C14orf132: variants seen among roughly 807,000 people sequenced by gnomAD.
C14orf132 encodes the protein uncharacterized protein C14orf132.
C14orf132 carries 6 observed loss-of-function variants against 5.8 expected under a neutral mutation model. The observed-to-expected ratio is 1.03, with a 90% CI of 0.57 to 2.04. The LOEUF (loss-of-function observed/expected upper bound fraction) is 2.04. C14orf132 is among the 30% of genes most tolerant of loss of function. The pLI is 0.00. For missense variants in C14orf132, 125 were observed against 115.8 expected, an observed-to-expected ratio of 1.08 and a Z score of -0.37; for synonymous variants, 51 against 49.8, an observed-to-expected ratio of 1.02 and a Z score of -0.10.
intron 1 of C14orf132, among the ~76,000 whole-genome samples, chr14:96,069,385 A>G (rs1038693031): frequency 1.3e-5 from 2 of 150,768 alleles, no homozygotes; most frequent in Non-Finnish European, 3.0e-5. Context: ...ATCCTGGAAT[A>G]TTGCAAAGTA....
chr14:96,084,670 C>T (rs918748167), intron 1 of C14orf132, among the ~76,000 whole-genome samples: 9 of 152,106 alleles, frequency 5.9e-5, no homozygotes, highest in Admixed American at 4.6e-4. Context: ...TAAAAATGTA[C>T]CCCACGAGGG....
At chr14:96,085,138 G>A (rs1038063672) in intron 1 of C14orf132, among the ~76,000 whole-genome samples, 1 of 152,176 alleles carries the variant, frequency 6.6e-6, no homozygotes, top group Non-Finnish European at 1.5e-5. Context: ...CCTGTAAAAT[G>A]GGGTTGCAGT....
intron 1 of C14orf132, among the ~76,000 whole-genome samples, chr14:96,074,819 G>C (rs185530788): frequency 6.9e-4 from 104 of 150,998 alleles, no homozygotes; most frequent in African/African-American, 2.4e-3. Flanking sequence ...GATAACTGTA[G>C]CTTTATCGTA....
Position 96,039,657 on chromosome 14 carries a change from G to A in C14orf132, c.27+130G>A. 1.0e-6 allele frequency: 1 copy of A among 987,746 alleles called. No homozygotes were observed. Among genetic ancestry groups the A allele is most frequent in the Non-Finnish European group, 1.4e-6 (1 of 738,180 alleles). 61.2% of individuals were successfully genotyped at this position (987,746 alleles called of 1,614,324 possible). ...GATCCGCGTCCCGGTCCTTTGTCCC[G>A]AGCCGGACACCCCCACTTGGTGCAC... On this transcript the variant is annotated intron_variant, in intron 1 of 1. Transcript: ENST00000555004. This position sits in a 1 kb window ranked among gnomAD's most constrained non-coding sequence, Gnocchi z 5.3.
rs369349307 is a variant in C14orf132 at position 96,090,419 on chromosome 14, A to G, written c.*3684A>G. The G allele has an allele frequency of 9.1e-5, 26 of 284,256 alleles. No individual in the cohort carries two copies. Among genetic ancestry groups the G allele is most frequent in the African/African-American group, 5.4e-4 (24 of 44,634 alleles). The allele number at this position is 284,256 out of a possible 1,614,324, so 17.6% of individuals were successfully genotyped here. A position where few individuals can be genotyped will look rare whatever the true frequency, so the allele number is the denominator to read the frequency against. On this transcript the variant is annotated 3_prime_UTR_variant, in exon 2 of 2. Coordinates refer to ENST00000555004, the MANE Select transcript of C14orf132 (RefSeq NM_001252507.3). ...AAAAAAAAAAAAGAAAAGAAAAAAAAAAAGAGCAACTTACTGCTTTGTGAG... is the reference window on the plus strand; with the variant it reads ...AAAAAAAAAAAAGAAAAGAAAAAAAGAAAGAGCAACTTACTGCTTTGTGAG...
At chr14:96,064,206 C>T (rs1887451926) in intron 1 of C14orf132, among the ~76,000 whole-genome samples, 2 of 151,930 alleles carry the variant, frequency 1.3e-5, no homozygotes, top group Non-Finnish European at 2.9e-5. Context: ...CCAGCAATCC[C>T]AGTACTGTGT....
intron 1 of C14orf132, among the ~76,000 whole-genome samples, chr14:96,052,628 C>T (rs1042119656): frequency 1.4e-4 from 21 of 152,296 alleles, no homozygotes; most frequent in South Asian, 1.2e-3. Context: ...CATCAGCTTG[C>T]GGGGCACCTC....
rs1886625904 is a variant in C14orf132 at position 96,039,539 on chromosome 14, T to C, written c.27+12T>C. The C allele has an allele frequency of 6.7e-7, 1 of 1,496,666 alleles. No homozygotes were observed. The highest frequency in any genetic ancestry group is 1.4e-5 in the African/African-American group (1 of 69,530). The allele number at this position is 1,496,666 out of a possible 1,614,324, so 92.7% of individuals were successfully genotyped here. A position where few individuals can be genotyped will look rare whatever the true frequency, so the allele number is the denominator to read the frequency against. ...TTATGGCCGCGCAGGTAACGGGGCG[T>C]CCCCCCCACGCGCCCCGGGCCGCCA... On this transcript the variant is annotated intron_variant, in intron 1 of 1. Coordinates refer to ENST00000555004, the MANE Select transcript of C14orf132 (RefSeq NM_001252507.3). The surrounding 1 kb of genome is among the most constrained non-coding windows in gnomAD (Gnocchi z 5.3).
At chr14:96,071,609 G>A (rs768419623) in intron 1 of C14orf132, among the ~76,000 whole-genome samples, 3 of 152,200 alleles carry the variant, frequency 2.0e-5, no homozygotes, top group Non-Finnish European at 4.4e-5. Flanking sequence ...CCAGTCTTTG[G>A]CCAGCTTGCC....
At chr14:96,072,153 G>A (rs531805671) in intron 1 of C14orf132, among the ~76,000 whole-genome samples, 5 of 152,240 alleles carry the variant, frequency 3.3e-5, no homozygotes, top group Non-Finnish European at 5.9e-5. Flanking sequence ...GAATCCTTCC[G>A]AGCACTTCCT....
intron 1 of C14orf132, among the ~76,000 whole-genome samples, chr14:96,073,706 A>G (rs1404311973): frequency 6.6e-6 from 1 of 152,238 alleles, no homozygotes; most frequent in East Asian, 1.9e-4. Context: ...GGAATATATA[A>G]TAAATTATTC....
Position 96,090,598 on chromosome 14 carries a change from T to C in C14orf132, c.*3863T>C, listed in dbSNP as rs1309738157. On this transcript the variant is annotated 3_prime_UTR_variant, in exon 2 of 2. Coordinates refer to ENST00000555004, the MANE Select transcript of C14orf132 (RefSeq NM_001252507.3). ...CCAATGCTGTCCTTCCCCTTTCCCATGAAATCAAGGTCAAGAGGCAAATAA... is the reference window on the plus strand; with the variant it reads ...CCAATGCTGTCCTTCCCCTTTCCCACGAAATCAAGGTCAAGAGGCAAATAA... 1 of 455,850 alleles carries C rather than the reference T, an allele frequency of 2.2e-6. No homozygotes were observed. The highest frequency in any genetic ancestry group is 4.4e-6 in the Non-Finnish European group (1 of 226,742). The allele number at this position is 455,850 out of a possible 1,614,324, so 28.2% of individuals were successfully genotyped here.
In C14orf132 at chr14:96,086,686, C is replaced by A. The variant is rs946810878; in HGVS notation, c.203C>A (p.Thr68Lys). ...AVLLWIAIIA[T>K]LGNIVVVGVV... is the part of the protein sequence containing the mutation. ...TTGCTATGGATTGCCATCATAGCTA[C>A]GCTGGGGAACATCGTGGTGGTGGGC... Residue 68 changes from threonine to lysine, a missense_variant, in exon 2 of 2, where the codon ACG becomes AAG. By Grantham distance (78) the Thr-to-Lys change is moderately conservative. Transcript: ENST00000555004. 1 of 1,536,178 alleles carries A rather than the reference C, an allele frequency of 6.5e-7. No individual in the cohort carries two copies. The highest frequency in any genetic ancestry group is 8.7e-7 in the Non-Finnish European group (1 of 1,146,914).
In C14orf132 at chr14:96,039,483, G is replaced by A; in HGVS notation, c.-18G>A. ...CAGCGGCAGCAGCGAGGACTCGAGC[G>A]CTGGCTGCAGCGACACCATGGATCT... On this transcript the variant is annotated 5_prime_UTR_variant, in exon 1 of 2. Coordinates refer to ENST00000555004, the MANE Select transcript of C14orf132 (RefSeq NM_001252507.3). The surrounding 1 kb of genome is among the most constrained non-coding windows in gnomAD (Gnocchi z 5.3). The A allele has an allele frequency of 6.7e-7, 1 of 1,497,696 alleles. No homozygotes were observed. Among genetic ancestry groups the A allele is most frequent in the African/African-American group, 1.4e-5 (1 of 69,828 alleles). 92.8% of individuals were successfully genotyped at this position (1,497,696 alleles called of 1,614,324 possible). A position where few individuals can be genotyped will look rare whatever the true frequency, so the allele number is the denominator to read the frequency against.
Position 96,093,479 on chromosome 14 carries a change from T to C in C14orf132, c.*6744T>C, listed in dbSNP as rs1468536204. ...CGTGCCCAGTCCTATTTCTGCCAGT[T>C]GAAGGCATACTAATATTCTTTATAC... On this transcript the variant is annotated 3_prime_UTR_variant, in exon 2 of 2. Coordinates refer to ENST00000555004, the MANE Select transcript of C14orf132 (RefSeq NM_001252507.3). 3 of 152,268 alleles carry C rather than the reference T, an allele frequency of 2.0e-5. No homozygotes were observed. The highest frequency in any genetic ancestry group is 2.9e-5 in the Non-Finnish European group (2 of 68,056). 9.4% of individuals were successfully genotyped at this position (152,268 alleles called of 1,614,324 possible).
rs566343155 is a variant in C14orf132 at position 96,090,609 on chromosome 14, T to C, written c.*3874T>C. 9.0e-5 allele frequency: 41 copies of C among 455,868 alleles called. No homozygotes were observed. Among genetic ancestry groups the C allele is most frequent in the African/African-American group, 7.4e-4 (37 of 50,116 alleles). 28.2% of individuals were successfully genotyped at this position (455,868 alleles called of 1,614,324 possible). ...CTTCCCCTTTCCCATGAAATCAAGG[T>C]CAAGAGGCAAATAAGACTCCCTGCT... On this transcript the variant is annotated 3_prime_UTR_variant, in exon 2 of 2. Coordinates refer to ENST00000555004, the MANE Select transcript of C14orf132 (RefSeq NM_001252507.3).
chr14:96,081,746 G>A (rs1232845488), intron 1 of C14orf132, among the ~76,000 whole-genome samples: 1 of 151,952 alleles, frequency 6.6e-6, no homozygotes, highest in African/African-American at 2.4e-5. Flanking sequence ...CCACAAGTGT[G>A]CACCACCACA....
At chr14:96,082,654 G>A (rs1243846572) in intron 1 of C14orf132, among the ~76,000 whole-genome samples, 2 of 152,182 alleles carry the variant, frequency 1.3e-5, no homozygotes. Context: ...CTGAAAATGA[G>A]TACCTGGTTA....
intron 1 of C14orf132, among the ~76,000 whole-genome samples, chr14:96,080,981 C>G (rs1888016347): frequency 6.6e-6 from 1 of 152,202 alleles, no homozygotes; most frequent in Admixed American, 6.5e-5. Flanking sequence ...ATAACAGACA[C>G]TCGTATACCC....
Sources: allele counts gnomAD v4.1 joint callset (sites outside exome capture counted in the v4.1 genomes callset), GRCh38; gene constraint gnomAD v4.1.1; non-coding constraint Gnocchi (gnomAD v3.1); transcripts MANE v1.5; gene names NCBI Gene and HGNC (gene_info 2026-07-23, HGNC 2026-07-21).